Variants in PTCH1 observed in about 807,000 individuals in gnomAD.
PTCH1 encodes the protein protein patched homolog 1.
In PTCH1, 14 loss-of-function variants were observed where a neutral mutation model predicts 144.6. The observed-to-expected ratio is 0.10, with a 90% CI of 0.06 to 0.15. The LOEUF (loss-of-function observed/expected upper bound fraction) is 0.15. Ranked by LOEUF, PTCH1 falls within the 10% of genes least tolerant of loss-of-function variation. PTCH1 has a pLI of 1.00. For synonymous variants in PTCH1, 833 were observed against 793.6 expected (o/e 1.05, Z -0.83); for missense variants, 1,623 against 1,948.3 (o/e 0.83, Z 3.14).
chr9:95,471,455 T>C (rs1324156835), intron 12 of PTCH1, among the ~76,000 whole-genome samples: 2 of 152,206 alleles, frequency 1.3e-5, no homozygotes, highest in African/African-American at 2.4e-5. Flanking sequence ...ACCTGTCTGA[T>C]AGACCTACAC....
In PTCH1 at chr9:95,508,706, G is replaced by A. The variant is rs1331727829; in HGVS notation, c.-345C>T. 13 of 986,784 alleles carry A rather than the reference G, an allele frequency of 1.3e-5. No homozygotes were observed. Among genetic ancestry groups the A allele is most frequent in the African/African-American group, 1.7e-5 (1 of 57,206 alleles). 61.1% of individuals were successfully genotyped at this position (986,784 alleles called of 1,614,324 possible). A position where few individuals can be genotyped will look rare whatever the true frequency, so the allele number is the denominator to read the frequency against. ...CGCGCCGAGCGAGCCTGTCCTTCGG[G>A]CGCTTCCGCGGCACTCCTTGCGGTC... On this transcript the variant is annotated 5_prime_UTR_variant, in exon 1 of 24. Transcript: ENST00000331920.
intron 2 of PTCH1, 113 bp from the exon 3 acceptor site, chr9:95,485,987 G>T: frequency 8.6e-7 from 1 of 1,167,598 alleles, no homozygotes; most frequent in Non-Finnish European, 1.3e-6. Context: ...CTAGTCATGA[G>T]ACTGGCTGAT....
At chr9:95,446,443 C>G in intron 23 of PTCH1, 52 bp from the exon 24 acceptor site, 2 of 517,330 alleles carry the variant, frequency 3.9e-6, no homozygotes, top group Non-Finnish European at 7.7e-6. Context: ...GTGTGCAAGT[C>G]CGTATTTATA....
At chr9:95,512,020 G>GTA (rs967938488), upstream of PTCH1, among the ~76,000 whole-genome samples, 21 of 152,314 alleles carry the variant, frequency 1.4e-4, no homozygotes, top group Non-Finnish European at 8.8e-5. Context: ...AGGGATTTCA[G>GTA]TATAGCTTGT....
chr9:95,454,339 T>C (rs1169141116), intron 19 of PTCH1, among the ~76,000 whole-genome samples: 1 of 152,168 alleles, frequency 6.6e-6, no homozygotes, highest in Admixed American at 6.5e-5. Flanking sequence ...ACAAGTTCTC[T>C]CTCTGAAGTT....
chr9:95,491,798 G>T (rs1227318830), intron 2 of PTCH1, among the ~76,000 whole-genome samples: 2 of 152,152 alleles, frequency 1.3e-5, no homozygotes, highest in Non-Finnish European at 2.9e-5. Flanking sequence ...CCAATATGAT[G>T]CTCCAAGTGG....
At chr9:95,469,475 A>T (rs191835133) in intron 13 of PTCH1, among the ~76,000 whole-genome samples, 38 of 152,334 alleles carry the variant, frequency 2.5e-4, no homozygotes, top group Non-Finnish European at 3.1e-4. Flanking sequence ...AAAGGACTAT[A>T]TATTTTCTAG....
At chr9:95,511,941 T>A (rs765998889), upstream of PTCH1, among the ~76,000 whole-genome samples, 1 of 152,230 alleles carries the variant, frequency 6.6e-6, no homozygotes, top group Non-Finnish European at 1.5e-5. Context: ...TTGCTATGTT[T>A]GTCTTTTCAA....
In PTCH1 at chr9:95,461,881, C is replaced by T. The variant is rs138154222; in HGVS notation, c.2678G>A (p.Arg893His). The change falls in exon 16 of 24, where the codon CGC (arginine) becomes CAC (histidine). Residue 893 changes from arginine (R) to histidine (H), a missense_variant. Arg to His is a conservative substitution (Grantham distance 29). Around this residue, in one of 7 missense-constraint regions of PTCH1, gnomAD observed 504 missense variants for 679.3 expected, o/e 0.74. Coordinates refer to ENST00000331920, the MANE Select transcript of PTCH1 (RefSeq NM_000264.5). ...AYKLLVQTGS[R>H]DKPIDISQLT... ...CTGGCTGATGTCGATGGGCTTATCG[C>T]GGCTGCCGGTTTGCACCAGGAGTTT... 3.8e-4 allele frequency: 616 copies of T among 1,614,206 alleles called. 8 individuals are homozygous for T. In the East Asian group the frequency reaches 0.011, roughly 29 times the overall value.
At chr9:95,455,621 C>A (rs966293446) in intron 19 of PTCH1, among the ~76,000 whole-genome samples, 1 of 152,166 alleles carries the variant, frequency 6.6e-6, no homozygotes, top group Non-Finnish European at 1.5e-5. Flanking sequence ...AAAGCATTCA[C>A]AGGGCAAGAT....
intron 1 of PTCH1, among the ~76,000 whole-genome samples, chr9:95,516,068 CACCACCAG>C (rs1207977945): frequency 1.3e-5 from 2 of 152,066 alleles, no homozygotes; most frequent in Non-Finnish European, 2.9e-5. Context: ...AGTCAGTAGC[CACCACCAG>C]GCTGATGAGC....
intron 2 of PTCH1, among the ~76,000 whole-genome samples, chr9:95,486,390 A>G (rs1841967157): frequency 6.6e-6 from 1 of 152,268 alleles, no homozygotes; most frequent in Non-Finnish European, 1.5e-5. Flanking sequence ...AGGAGAAGAT[A>G]AATAAAGTGA....
chr9:95,468,664 A>G (rs1840260760), intron 14 of PTCH1, 87 bp downstream of exon 14: 2 of 1,533,530 alleles, frequency 1.3e-6, no homozygotes. Context: ...TTAAGGAAAA[A>G]GAAGAAAAGT....
intron 22 of PTCH1, among the ~76,000 whole-genome samples, chr9:95,447,791 GC>G (rs1306258840): frequency 1.3e-5 from 2 of 152,194 alleles, no homozygotes; most frequent in African/African-American, 4.8e-5. Flanking sequence ...GCTCTGAGCT[GC>G]CCCTCTCCCG....
At chr9:95,469,254 C>T (rs986129979) in intron 13 of PTCH1, 101 bp from the exon 14 acceptor site, 4 of 1,471,468 alleles carry the variant, frequency 2.7e-6, no homozygotes, top group Non-Finnish European at 3.8e-6. Flanking sequence ...CCATTTTACA[C>T]AGCTCTGACT....
intron 12 of PTCH1, among the ~76,000 whole-genome samples, chr9:95,470,707 C>T (rs905897884): frequency 1.3e-5 from 2 of 151,922 alleles, no homozygotes; most frequent in Admixed American, 6.6e-5. Context: ...CGGAAGGGCA[C>T]GGCAGAAGGG....
In PTCH1 at chr9:95,449,566, G is replaced by A. The variant is rs930288404; in HGVS notation, c.3550-243C>T. ...GATGTGTACTTTTTACTCTTGTGAA[G>A]TCCAATTATGCATCTCAAGGGGAAA... On this transcript the variant is annotated intron_variant, in intron 21 of 23. Coordinates refer to ENST00000331920, the MANE Select transcript of PTCH1 (RefSeq NM_000264.5). The surrounding 1 kb of genome is among the most constrained non-coding windows in gnomAD (Gnocchi z 5.3). 6.3e-6 allele frequency: 4 copies of A among 637,716 alleles called. No homozygotes were observed. The Admixed American group carries it at 8.5e-5, about 14-fold the overall frequency. The allele number at this position is 637,716 out of a possible 1,614,324, so 39.5% of individuals were successfully genotyped here.
chr9:95,453,754 G>A, intron 19 of PTCH1, 134 bp from the exon 20 acceptor site: 2 of 1,210,692 alleles, frequency 1.7e-6, no homozygotes, highest in Non-Finnish European at 1.2e-6. Context: ...TGTAATCAGA[G>A]TAGCTCAACT....
intron 2 of PTCH1, among the ~76,000 whole-genome samples, chr9:95,490,519 T>TCACACACACACACACACACA (rs536111739): frequency 5.8e-5 from 7 of 119,828 alleles, no homozygotes; most frequent in African/African-American, 1.7e-4. Flanking sequence ...ACCTTCTATG[T>TCACACACACACACACACACA]GACACACACA....
Sources: gnomAD v4.1 joint callset for allele counts (sites outside exome capture counted in the v4.1 genomes callset) on GRCh38, gnomAD v4.1.1 for gene constraint, gnomAD v4.1.1 regional missense constraint, Gnocchi (gnomAD v3.1) non-coding constraint, MANE v1.5 for transcripts, NCBI Gene and HGNC (gene_info 2026-07-23, HGNC 2026-07-21) for gene names.